The following ZFHX3 variants were observed in gnomAD, a reference collection of about 807,000 sequenced individuals.
ZFHX3 encodes zinc finger homeobox protein 3.
Under a neutral mutation model 279.1 loss-of-function variants are expected in ZFHX3, and 42 were observed. That is an observed-to-expected ratio of 0.15 (90% CI 0.12 to 0.19). The LOEUF is 0.19. Among genes scored for constraint, ZFHX3 ranks in the 10% least tolerant of loss-of-function variants. ZFHX3 has a pLI of 1.00. For synonymous variants in ZFHX3, 2,293 were observed against 1,957.8 expected (o/e 1.17, Z -4.52); for missense variants, 4,981 against 4,754.0 (o/e 1.05, Z -1.40).
intron 1 of ZFHX3, among the ~76,000 whole-genome samples, chr16:73,851,271 C>A (rs1033437261): frequency 6.6e-6 from 1 of 152,108 alleles, no homozygotes; most frequent in Non-Finnish European, 1.5e-5. Flanking sequence ...ACATGTTCTA[C>A]CAGAGGTGCG....
rs376018253 is a variant in ZFHX3, at chr16:73,097,231, A to ATTTTTTT, written c.-896-3640_-896-3634dup. ...TCCTCACCACACCCAGCTAATTTTAATTTTTTTTTTTTTTTTTTGTAGAGA... is the reference window on the plus strand; with the variant it reads ...TCCTCACCACACCCAGCTAATTTTAATTTTTTTTTTTTTTTTTTTTTTTTTGTAGAGA... On this transcript the variant is annotated intron_variant, in intron 7 of 17. Transcript: ENST00000641206. Among the ~76,000 whole-genome samples the ATTTTTTT allele has an allele frequency of 4.2e-3, 530 of 126,672 alleles. 19 individuals are homozygous for ATTTTTTT. Among genetic ancestry groups the ATTTTTTT allele is most frequent in the African/African-American group, 0.016 (502 of 31,750 alleles). The allele number at this position is 126,672 out of a possible 152,430, so 83.1% of individuals were successfully genotyped here.
chr16:73,700,693 C>T (rs1346639162), intron 1 of ZFHX3, among the ~76,000 whole-genome samples: 2 of 152,054 alleles, frequency 1.3e-5, no homozygotes, highest in Non-Finnish European at 1.5e-5. Flanking sequence ...AGTTTATTAG[C>T]GTGATTATTT....
chr16:73,432,185 A>T (rs2017922189), intron 3 of ZFHX3, among the ~76,000 whole-genome samples: 1 of 152,210 alleles, frequency 6.6e-6, no homozygotes. Context: ...TTTCAAAAGA[A>T]ATTTGATACT....
At chr16:73,660,389 G>C (rs2052768932) in intron 2 of ZFHX3, among the ~76,000 whole-genome samples, 1 of 152,162 alleles carries the variant, frequency 6.6e-6, no homozygotes, top group Non-Finnish European at 1.5e-5. Flanking sequence ...TTAAATTACT[G>C]TGTATGAACC....
rs368771814 is a variant in ZFHX3 at position 73,117,783 on chromosome 16, A to T, written c.-897+13185T>A. 3.5e-4 allele frequency among the ~76,000 whole-genome samples: 53 copies of T among 152,248 alleles called. No homozygotes were observed. In the East Asian group the frequency reaches 7.3e-3, roughly 21 times the overall value. The stretch of plus-strand genomic sequence containing the variant: ...AGGTCATGAGGGTGGAACCCTCACA[A>T]ATAGGATTAGTGCCCTTATAAAAAA... On this transcript the variant is annotated intron_variant, in intron 7 of 17. Coordinates refer to the ZFHX3 transcript ENST00000641206.
At chr16:73,358,480 C>A (rs1274788003) in intron 3 of ZFHX3, among the ~76,000 whole-genome samples, 3 of 152,206 alleles carry the variant, frequency 2.0e-5, no homozygotes, top group Non-Finnish European at 2.9e-5. Flanking sequence ...GAAGCAGATC[C>A]TTCCCCATTC....
At chr16:73,291,468 G>T (rs2014769181) in intron 4 of ZFHX3, among the ~76,000 whole-genome samples, 1 of 152,204 alleles carries the variant, frequency 6.6e-6, no homozygotes, top group Admixed American at 6.5e-5. Context: ...ACGTGTGAAG[G>T]ATCATGTAAA....
At chr16:73,018,146 C>A (rs573809830) in intron 1 of ZFHX3, among the ~76,000 whole-genome samples, 2 of 151,808 alleles carry the variant, frequency 1.3e-5, no homozygotes, top group Non-Finnish European at 2.9e-5. Flanking sequence ...CCATCACACC[C>A]GGCTAATTTT....
At chr16:73,439,909 C>CAAAAAAAAAAAGAAA (rs2018057630) in intron 3 of ZFHX3, among the ~76,000 whole-genome samples, 1 of 75,446 alleles carries the variant, frequency 1.3e-5, no homozygotes, top group Non-Finnish European at 2.2e-5. Flanking sequence ...GGGAGAGGGA[C>CAAAAAAAAAAAGAAA]AAAAAAAAAA....
intron 3 of ZFHX3, among the ~76,000 whole-genome samples, chr16:73,354,202 G>C (rs886920947): frequency 1.5e-4 from 23 of 152,282 alleles, no homozygotes; most frequent in Middle Eastern, 3.4e-3. Flanking sequence ...TAAAAAAAAT[G>C]TATCCATTTA....
chr16:73,533,147 C>G (rs2019837570), intron 2 of ZFHX3, among the ~76,000 whole-genome samples: 1 of 152,014 alleles, frequency 6.6e-6, no homozygotes, highest in Non-Finnish European at 1.5e-5. Context: ...GTCTCACACT[C>G]CAAAGTGACT....
Position 72,950,529 on chromosome 16 carries a change from C to T in ZFHX3, c.3156G>A (p.Leu1052=), listed in dbSNP as rs756103999. The T allele has an allele frequency of 2.7e-5, 44 of 1,614,138 alleles. No individual in the cohort carries two copies. Among genetic ancestry groups the T allele is most frequent in the Non-Finnish European group, 3.6e-5 (43 of 1,180,054 alleles). The change falls in exon 3 of 10, where the codon CTG becomes CTA. Residue 1052 remains leucine (L), a synonymous_variant. Coordinates refer to ENST00000268489, the MANE Select transcript of ZFHX3 (RefSeq NM_006885.4). The stretch of plus-strand genomic sequence containing the variant: ...TGACCGTGTGCAGCCGCAGCTTCTC[C>T]AGGCTGTTGGTGTAGTAGTCACAGG... ...CNACDYYTNS[L]EKLRLHTVNS... is the part of the protein sequence containing the mutation.
intron 4 of ZFHX3, among the ~76,000 whole-genome samples, chr16:72,875,097 C>G (rs138531939): frequency 1.3e-5 from 2 of 152,194 alleles, no homozygotes. Flanking sequence ...GTGTTTGTTC[C>G]GTTTTAGTGC....
At chr16:72,943,238 A>G (rs1275261000) in intron 3 of ZFHX3, among the ~76,000 whole-genome samples, 2 of 152,212 alleles carry the variant, frequency 1.3e-5, no homozygotes, top group African/African-American at 4.8e-5. Flanking sequence ...ATATTCCTGA[A>G]AAGTCACAAA....
At chr16:73,032,314 C>G (rs947754567) in intron 1 of ZFHX3, among the ~76,000 whole-genome samples, 1 of 152,020 alleles carries the variant, frequency 6.6e-6, no homozygotes, top group African/African-American at 2.4e-5. Context: ...AAAACACAAA[C>G]AAAAGCAAAA....
chr16:73,025,892 T>C (rs193127794), intron 1 of ZFHX3, among the ~76,000 whole-genome samples: 10 of 152,296 alleles, frequency 6.6e-5, no homozygotes, highest in Admixed American at 3.3e-4. Flanking sequence ...GGAAGATGCA[T>C]GCCTTCAAGT....
At chr16:73,102,787 A>C (rs148419556) in intron 7 of ZFHX3, among the ~76,000 whole-genome samples, 16 of 152,338 alleles carry the variant, frequency 1.1e-4, no homozygotes, top group African/African-American at 3.6e-4. Context: ...AAAGGGAAGT[A>C]ATAATAGTAC....
In ZFHX3 at chr16:73,108,342, A is replaced by G. The variant is rs531068148; in HGVS notation, c.-896-14744T>C. On this transcript the variant is annotated intron_variant, in intron 7 of 17. Coordinates refer to the ZFHX3 transcript ENST00000641206. ...GAGCAAGACCTTACCTTAAAAAAAA[A>G]AGAGAGAGAGAGAATAATGATGATG... Among the ~76,000 whole-genome samples, 42 of 151,834 alleles carry G rather than the reference A, an allele frequency of 2.8e-4. 1 individual carries two copies. The Middle Eastern group carries it at 0.017, about 61-fold the overall frequency.
intron 4 of ZFHX3, among the ~76,000 whole-genome samples, chr16:72,850,656 G>GA (rs397799753): frequency 0.017 from 1 of 58 alleles, no homozygotes; most frequent in Non-Finnish European, 0.033. Flanking sequence ...GGCCGGGCTC[G>GA]CCAGGCCCAC....
Sources: gnomAD v4.1 joint callset for allele counts (sites outside exome capture counted in the v4.1 genomes callset) on GRCh38, gnomAD v4.1.1 for gene constraint, MANE v1.5 for transcripts, NCBI Gene and HGNC (gene_info 2026-07-23, HGNC 2026-07-21) for gene names.